MAP3K20: variants seen among roughly 807,000 people sequenced by gnomAD.
MAP3K20 encodes the protein HCCS-4.
A neutral mutation model predicts 85.7 loss-of-function variants in MAP3K20; 40 were observed. The ratio of observed to expected loss-of-function variants is 0.47; its 90% confidence interval spans 0.36 to 0.61. The LOEUF (loss-of-function observed/expected upper bound fraction) is 0.61, where lower values mean the gene tolerates loss of function less well. MAP3K20 is among the 20% of genes least tolerant of loss of function. MAP3K20 has a pLI of 0.00. For synonymous variants in MAP3K20, 325 were observed against 327.7 expected, an observed-to-expected ratio of 0.99 and a Z score of 0.09; for missense variants, 817 against 961.7, an observed-to-expected ratio of 0.85 and a Z score of 1.99.
At position 173,182,713 on chromosome 2, in the gene MAP3K20, C is replaced by T. The variant is rs1301304811; in HGVS notation, c.248-141C>T. On this transcript the variant is annotated intron_variant, in intron 3 of 19. Transcript: ENST00000375213. ...TCTGGATGACATTAACTTTTAGAAA[C>T]CACACCATGGAACAATTTTTTATAT... is the stretch of plus-strand genomic sequence containing the variant. The T allele has an allele frequency of 1.4e-5, 8 of 583,702 alleles. No homozygotes were observed. The African/African-American group carries it at 1.4e-4, about 10-fold the overall frequency. 36.2% of individuals were successfully genotyped at this position (583,702 alleles called of 1,614,324 possible).
intron 11 of MAP3K20, among the ~76,000 whole-genome samples, chr2:173,228,071 C>G (rs564489835): frequency 1.3e-5 from 2 of 152,282 alleles, no homozygotes; most frequent in East Asian, 3.9e-4. Context: ...CAAGTGTTTC[C>G]GAGGAGGCAA....
At chr2:173,134,426 A>ATTTT (rs1457014949) in intron 2 of MAP3K20, among the ~76,000 whole-genome samples, 13 of 4,672 alleles carry the variant, frequency 2.8e-3, no homozygotes, top group South Asian at 0.016. Context: ...ATATATATAT[A>ATTTT]TATTTTTTTT....
chr2:173,223,092 G>A (rs1387233563), intron 11 of MAP3K20: 3 of 985,270 alleles, frequency 3.0e-6, no homozygotes, highest in Non-Finnish European at 3.6e-6. Flanking sequence ...GAAGCGTGAC[G>A]TGTTTCTAAT....
chr2:173,265,009 G>T (rs1205652387), intron 19 of MAP3K20, among the ~76,000 whole-genome samples: 5 of 151,856 alleles, frequency 3.3e-5, no homozygotes, highest in African/African-American at 7.3e-5. Context: ...GGAAAATGTG[G>T]TTTTTACCAC....
chr2:173,178,516 C>T (rs1032992926), intron 3 of MAP3K20, among the ~76,000 whole-genome samples: 2 of 151,974 alleles, frequency 1.3e-5, no homozygotes, highest in Admixed American at 1.3e-4. Context: ...TGGTGGCACA[C>T]CCCTATAGTC....
intron 2 of MAP3K20, among the ~76,000 whole-genome samples, chr2:173,134,404 A>ATTTT (rs1688720707): frequency 1.3e-4 from 1 of 7,608 alleles, no homozygotes; most frequent in Admixed American, 1.6e-3. Context: ...ATATATATAT[A>ATTTT]TATATATATA....
rs35387016 is a variant in MAP3K20, at chr2:173,206,930, CTTT to C, written c.745-2786_745-2784del. ...CATATGTAGAGCAATAAAGTACTTT[CTTT>C]TTTTTTTTTTTTAAGTCCTTAAATT... is the stretch of plus-strand genomic sequence containing the variant. On this transcript the variant is annotated intron_variant, in intron 9 of 19. Coordinates refer to ENST00000375213, the MANE Select transcript of MAP3K20 (RefSeq NM_016653.3). Among the ~76,000 whole-genome samples the C allele has an allele frequency of 7.0e-3, 1,007 of 144,074 alleles. 6 individuals are homozygous for C. Among genetic ancestry groups the C allele is most frequent in the African/African-American group, 0.022 (850 of 38,132 alleles). The allele number at this position is 144,074 out of a possible 152,430, so 94.5% of individuals were successfully genotyped here.
intron 2 of MAP3K20, among the ~76,000 whole-genome samples, chr2:173,098,776 A>C (rs1032984317): frequency 1.3e-5 from 2 of 152,096 alleles, no homozygotes; most frequent in Non-Finnish European, 2.9e-5. Flanking sequence ...CCCCAGTTAG[A>C]ATTTGTTCAT....
At chr2:173,204,977 C>T (rs1357751238) in intron 9 of MAP3K20, among the ~76,000 whole-genome samples, 4 of 151,676 alleles carry the variant, frequency 2.6e-5, no homozygotes, top group African/African-American at 4.8e-5. Context: ...GTGGCGGGCA[C>T]CTGTAGTCCC....
intron 16 of MAP3K20, among the ~76,000 whole-genome samples, chr2:173,245,937 A>G (rs548887944): frequency 6.6e-6 from 1 of 152,336 alleles, no homozygotes; most frequent in East Asian, 1.9e-4. Context: ...CTCAAATAAT[A>G]ATAGTAATTT....
intron 2 of MAP3K20, among the ~76,000 whole-genome samples, chr2:173,105,172 T>G (rs1192144977): frequency 6.6e-6 from 1 of 152,176 alleles, no homozygotes; most frequent in Non-Finnish European, 1.5e-5. Context: ...GAAAAGAGAT[T>G]ACATGGGACA....
At chr2:173,154,749 A>C (rs11897681) in intron 2 of MAP3K20, among the ~76,000 whole-genome samples, 32,268 of 152,104 alleles carry the variant, frequency 0.21, 3,670 homozygotes, top group African/African-American at 0.27. Context: ...ACTAAGGACA[A>C]TATCAGAATG....
chr2:173,104,694 C>G (rs1272425002), intron 2 of MAP3K20, among the ~76,000 whole-genome samples: 1 of 152,080 alleles, frequency 6.6e-6, no homozygotes, highest in Non-Finnish European at 1.5e-5. Context: ...TTCTGTGAAC[C>G]TAGAATTATT....
At chr2:173,086,753 T>C (rs1390644855) in intron 1 of MAP3K20, among the ~76,000 whole-genome samples, 1 of 152,206 alleles carries the variant, frequency 6.6e-6, no homozygotes, top group East Asian at 1.9e-4. Flanking sequence ...TCTCAGTTCA[T>C]CCACATTCCC....
intron 2 of MAP3K20, among the ~76,000 whole-genome samples, chr2:173,146,101 T>C (rs1055353257): frequency 1.4e-4 from 22 of 152,208 alleles, no homozygotes; most frequent in African/African-American, 5.3e-4. Context: ...AAACATTCTG[T>C]ATCTTGATTA....
intron 2 of MAP3K20, among the ~76,000 whole-genome samples, chr2:173,096,713 G>A (rs1263046898): frequency 6.6e-6 from 1 of 152,218 alleles, no homozygotes; most frequent in African/African-American, 2.4e-5. Context: ...ATATGTGGCT[G>A]TAGAGTGTTT....
chr2:173,080,322 C>T (rs1168167084), intron 1 of MAP3K20, among the ~76,000 whole-genome samples: 5 of 152,206 alleles, frequency 3.3e-5, no homozygotes, highest in African/African-American at 9.6e-5. Context: ...TCAAGTTATA[C>T]GCAGAGCTGC....
Position 173,144,808 on chromosome 2 carries a change from A to G in MAP3K20, c.160-24997A>G, listed in dbSNP as rs376830067. Among the ~76,000 whole-genome samples, 78 of 152,350 alleles carry G rather than the reference A, an allele frequency of 5.1e-4. 1 individual carries two copies. In the South Asian group the frequency reaches 8.7e-3, roughly 17 times the overall value. On this transcript the variant is annotated intron_variant, in intron 2 of 19. Transcript: ENST00000375213. ...CCAAAAATTGATTTGTAGAAAAATC[A>G]AATTGGAGGATTCACATTACCTGAT...
rs879046615 is a variant in MAP3K20 at position 173,209,684 on chromosome 2, C to A, written c.745-45C>A. 28 of 1,526,346 alleles carry A rather than the reference C, an allele frequency of 1.8e-5. 1 individual carries two copies. In the South Asian group the frequency reaches 3.1e-4, roughly 17 times the overall value. The allele number at this position is 1,526,346 out of a possible 1,614,324, so 94.6% of individuals were successfully genotyped here. On this transcript the variant is annotated intron_variant, in intron 9 of 19. Coordinates refer to ENST00000375213, the MANE Select transcript of MAP3K20 (RefSeq NM_016653.3). ...ATCTACGTTTTCTCTTAAATATCTC[C>A]TTTCTTAAGTCCCAGCGAATGATTA... is the stretch of plus-strand genomic sequence containing the variant.
Sources: gnomAD v4.1 joint callset for allele counts (sites outside exome capture counted in the v4.1 genomes callset) on GRCh38, gnomAD v4.1.1 for gene constraint, MANE v1.5 for transcripts, NCBI Gene and HGNC (gene_info 2026-07-23, HGNC 2026-07-21) for gene names.